Variants in CEP70 observed in about 807,000 individuals in gnomAD.
CEP70 encodes centrosomal protein of 70 kDa.
Under a neutral mutation model 90.9 loss-of-function variants are expected in CEP70, and 70 were observed. The observed-to-expected ratio is 0.77, with a 90% CI of 0.64 to 0.94. The LOEUF (loss-of-function observed/expected upper bound fraction) is 0.94. Ranked by LOEUF, CEP70 falls within the 40% of genes least tolerant of loss-of-function variation. CEP70 has a pLI of 0.00. For missense variants in CEP70, 648 were observed against 669.0 expected, an observed-to-expected ratio of 0.97 and a Z score of 0.35; for synonymous variants, 220 against 228.3, an observed-to-expected ratio of 0.96 and a Z score of 0.33.
intron 11 of CEP70, among the ~76,000 whole-genome samples, chr3:138,514,657 G>A (rs1314140206): frequency 3.3e-5 from 5 of 151,736 alleles, no homozygotes; most frequent in Non-Finnish European, 5.9e-5. Context: ...TTAAGTTTAA[G>A]TTTTTAAAAT....
chr3:138,497,046 CTT>C, intron 17 of CEP70: 1 of 1,029,402 alleles, frequency 9.7e-7, no homozygotes, highest in South Asian at 3.7e-5. Context: ...AGACAACACA[CTT>C]ATACAGTTTC....
intron 10 of CEP70, among the ~76,000 whole-genome samples, chr3:138,526,654 G>T (rs151010949): frequency 9.8e-4 from 149 of 152,298 alleles, no homozygotes; most frequent in African/African-American, 3.5e-3. Context: ...ATATCTTTCT[G>T]TTGTGTGCCA....
chr3:138,541,970 G>A (rs2107853885), intron 6 of CEP70, among the ~76,000 whole-genome samples: 1 of 152,352 alleles, frequency 6.6e-6, no homozygotes, highest in Non-Finnish European at 1.5e-5. Context: ...TCACCAGCCA[G>A]AAACCTCTGT....
chr3:138,560,074 T>C (rs2040287702), intron 6 of CEP70, among the ~76,000 whole-genome samples: 1 of 152,240 alleles, frequency 6.6e-6, no homozygotes, highest in Non-Finnish European at 1.5e-5. Context: ...GCTGCCAAGA[T>C]GGCTGAATAG....
At chr3:138,508,796 C>T in intron 11 of CEP70, among the ~76,000 whole-genome samples, 1 of 151,446 alleles carries the variant, frequency 6.6e-6, no homozygotes, top group Non-Finnish European at 1.5e-5. Context: ...TGCAGTGGCG[C>T]AATCTCGGCT....
chr3:138,506,835 G>A (rs1004167106), intron 12 of CEP70, among the ~76,000 whole-genome samples: 6 of 152,114 alleles, frequency 3.9e-5, no homozygotes, highest in Admixed American at 2.0e-4. Context: ...TTGAATTCCT[G>A]GGCTCAAGTG....
intron 6 of CEP70, among the ~76,000 whole-genome samples, chr3:138,569,694 C>G (rs1352873137): frequency 6.6e-6 from 1 of 152,096 alleles, no homozygotes; most frequent in Non-Finnish European, 1.5e-5. Flanking sequence ...ATGGCAAAAG[C>G]CTGTCTCTAT....
chr3:138,579,236 G>A (rs769892120), intron 2 of CEP70, among the ~76,000 whole-genome samples: 10 of 152,088 alleles, frequency 6.6e-5, no homozygotes, highest in Non-Finnish European at 1.3e-4. Flanking sequence ...CCTTGCCAAC[G>A]TGAGTTAAAG....
chr3:138,562,007 T>C lies in CEP70; in HGVS notation c.465+8311A>G, dbSNP rs1397030177. Among the ~76,000 whole-genome samples, 3 of 132,572 alleles carry C rather than the reference T, an allele frequency of 2.3e-5. No homozygotes were observed. The Admixed American group carries it at 2.5e-4, about 11-fold the overall frequency. The allele number at this position is 132,572 out of a possible 152,430, so 87.0% of individuals were successfully genotyped here. A position where few individuals can be genotyped will look rare whatever the true frequency, so the allele number is the denominator to read the frequency against. On this transcript the variant is annotated intron_variant, in intron 6 of 17. Transcript: ENST00000264982. ...CACTGCACTCTGGCCCGGGCGACAA[T>C]GCAAGACGCCGTCTCAAAAAAAAAA...
At position 138,494,932 on chromosome 3, in the gene CEP70, C is replaced by G; in HGVS notation, c.*83G>C. ...TCTGAGAGCAAATACATTTTACAAC[C>G]CTTGTCTCAAAATAAGATCAATCCT... On this transcript the variant is annotated 3_prime_UTR_variant, in exon 18 of 18. Coordinates refer to ENST00000264982, the MANE Select transcript of CEP70 (RefSeq NM_024491.4). 1.3e-6 allele frequency: 1 copy of G among 764,230 alleles called. No homozygotes were observed. The highest frequency in any genetic ancestry group is 2.2e-6 in the Non-Finnish European group (1 of 448,574). The allele number at this position is 764,230 out of a possible 1,614,324, so 47.3% of individuals were successfully genotyped here. A position where few individuals can be genotyped will look rare whatever the true frequency, so the allele number is the denominator to read the frequency against.
intron 17 of CEP70, chr3:138,497,406 A>T: frequency 8.6e-7 from 1 of 1,156,888 alleles, no homozygotes. Flanking sequence ...TAAAACTTTA[A>T]AAATCATTCT....
Position 138,506,690 on chromosome 3 carries a change from T to A in CEP70, c.1051-1225A>T, listed in dbSNP as rs150779277. ...TTCAGATGTTTATTTAGAAGCTTTT[T>A]AAGTCCAAATTAGTATAATTCAATA... is the stretch of plus-strand genomic sequence containing the variant. On this transcript the variant is annotated intron_variant, in intron 12 of 17. Coordinates refer to ENST00000264982, the MANE Select transcript of CEP70 (RefSeq NM_024491.4). 7.1e-3 allele frequency among the ~76,000 whole-genome samples: 1,079 copies of A among 152,316 alleles called. 13 individuals carry two copies. The highest frequency in any genetic ancestry group is 0.025 in the African/African-American group (1,034 of 41,566).
At chr3:138,581,196 C>T (rs2041835157) in intron 2 of CEP70, among the ~76,000 whole-genome samples, 1 of 150,978 alleles carries the variant, frequency 6.6e-6, no homozygotes, top group African/African-American at 2.4e-5. Flanking sequence ...GAGGCAGAAT[C>T]GCTTGAACCC....
At chr3:138,589,839 C>G (rs1276408288) in intron 2 of CEP70, among the ~76,000 whole-genome samples, 1 of 152,084 alleles carries the variant, frequency 6.6e-6, no homozygotes, top group Non-Finnish European at 1.5e-5. Flanking sequence ...GACTTTATAT[C>G]TGCAAAATTG....
At chr3:138,519,792 A>G (rs2036430698) in intron 11 of CEP70, among the ~76,000 whole-genome samples, 1 of 152,216 alleles carries the variant, frequency 6.6e-6, no homozygotes, top group Non-Finnish European at 1.5e-5. Context: ...CAAAATAACC[A>G]GCTAACATCA....
intron 15 of CEP70, 31 bp downstream of exon 15, chr3:138,500,368 G>C: frequency 6.5e-7 from 1 of 1,549,616 alleles, no homozygotes; most frequent in Non-Finnish European, 8.7e-7. Flanking sequence ...ATTCTTAAAT[G>C]GGGGCCCAAA....
Position 138,570,282 on chromosome 3 carries a change from T to C in CEP70, c.465+36A>G, listed in dbSNP as rs564915371. On this transcript the variant is annotated intron_variant, in intron 6 of 17. Transcript: ENST00000264982. ...GGACCATAATGAGCTGTTTTAGTAC[T>C]AACTAACCATCATCTAAGAATTCAT... 7 of 1,405,668 alleles carry C rather than the reference T, an allele frequency of 5.0e-6. No individual in the cohort carries two copies. In the East Asian group the frequency reaches 1.5e-4, roughly 30 times the overall value. 87.1% of individuals were successfully genotyped at this position (1,405,668 alleles called of 1,614,324 possible).
chr3:138,505,598 T>G, intron 12 of CEP70, 133 bp from the exon 13 acceptor site: 1 of 509,594 alleles, frequency 2.0e-6, no homozygotes, highest in Middle Eastern at 5.7e-4. Flanking sequence ...AAAATTATCA[T>G]AAGGAATTGG....
In CEP70 at chr3:138,508,299, C is replaced by T. The variant is rs576459781; in HGVS notation, c.1050+140G>A. 20 of 632,882 alleles carry T rather than the reference C, an allele frequency of 3.2e-5. 1 individual carries two copies. The South Asian group carries it at 3.3e-4, about 10-fold the overall frequency. The allele number at this position is 632,882 out of a possible 1,614,324, so 39.2% of individuals were successfully genotyped here. ...TGTTTTTAGTCAAATAGTTATGTCA[C>T]GGAAAGACAAGACAGAATAAGTACA... On this transcript the variant is annotated intron_variant, in intron 12 of 17. Coordinates refer to ENST00000264982, the MANE Select transcript of CEP70 (RefSeq NM_024491.4).
Sources: allele counts gnomAD v4.1 joint callset (sites outside exome capture counted in the v4.1 genomes callset), GRCh38; gene constraint gnomAD v4.1.1; transcripts MANE v1.5; gene names NCBI Gene and HGNC (gene_info 2026-07-23, HGNC 2026-07-21).